DMD: variants seen among roughly 807,000 people sequenced by gnomAD.
The protein encoded by DMD is mutant dystrophin.
DMD carries 63 observed loss-of-function variants against 330.1 expected under a neutral mutation model. That is an observed-to-expected ratio of 0.19 (90% CI 0.16 to 0.24). DMD has a LOEUF of 0.24. Among genes scored for constraint, DMD ranks in the 10% least tolerant of loss-of-function variants. DMD has a pLI of 1.00. For missense variants in DMD, 3,344 were observed against 2,684.1 expected (o/e 1.25, Z -5.43); for synonymous variants, 1,223 against 959.8 (o/e 1.27, Z -5.07).
intron 34 of DMD, among the ~76,000 whole-genome samples, chrX:32,378,895 C>T (rs181873901): frequency 8.2e-5 from 9 of 110,384 alleles, no homozygotes; most frequent in African/African-American, 2.3e-4. Flanking sequence ...TCAATAGTCA[C>T]GGGGTTTCAT....
rs1337754969 is a variant in DMD, at chrX:31,838,507, C to A, written c.7099-1688G>T. ...ACAAGTTAACTTAAAGCACTGTCAC[C>A]ACCATTCATTTTGTATGTGTTTCTC... On this transcript the variant is annotated intron_variant, in intron 48 of 78. Transcript: ENST00000357033. 2.9e-4 allele frequency among the ~76,000 whole-genome samples: 32 copies of A among 111,724 alleles called. No individual in the cohort carries two copies. In the Admixed American group the frequency reaches 3.0e-3, roughly 11 times the overall value.
chrX:31,498,238 TAAAAC>T (rs1299388618), intron 56 of DMD, among the ~76,000 whole-genome samples: 24 of 112,187 alleles, frequency 2.1e-4, no homozygotes, highest in Non-Finnish European at 3.6e-4. Flanking sequence ...TTATGATTGA[TAAAAC>T]AAAACAGAAA....
intron 60 of DMD, among the ~76,000 whole-genome samples, chrX:31,371,105 A>G (rs1351323997): frequency 9.0e-6 from 1 of 111,640 alleles, no homozygotes; most frequent in Non-Finnish European, 1.9e-5. Context: ...GTATACTGAC[A>G]ATATTGACGT....
intron 63 of DMD, among the ~76,000 whole-genome samples, chrX:31,225,071 T>C (rs1032829566): frequency 8.9e-6 from 1 of 112,627 alleles, no homozygotes; most frequent in Non-Finnish European, 1.9e-5. Context: ...CACGAGTGTA[T>C]ACATTTGCCA....
chrX:32,672,992 G>GATGTCAC (rs1454693756), intron 9 of DMD, among the ~76,000 whole-genome samples: 3 of 111,442 alleles, frequency 2.7e-5, no homozygotes, highest in Non-Finnish European at 5.7e-5. Flanking sequence ...TGGAAGAAAA[G>GATGTCAC]ATGTCACATG....
intron 21 of DMD, among the ~76,000 whole-genome samples, chrX:32,474,794 C>G (rs1011964230): frequency 5.4e-5 from 6 of 111,517 alleles, no homozygotes; most frequent in Admixed American, 9.5e-5. Context: ...TTTTATCCCA[C>G]TCCATGGGTT....
intron 1 of DMD, among the ~76,000 whole-genome samples, chrX:33,084,825 G>A (rs1242064577): frequency 1.8e-5 from 2 of 111,912 alleles, no homozygotes; most frequent in East Asian, 5.6e-4. Context: ...TTGTTTAAAC[G>A]ATAAACTATA....
intron 62 of DMD, among the ~76,000 whole-genome samples, chrX:31,269,816 C>T (rs1312473170): frequency 8.9e-6 from 1 of 111,902 alleles, no homozygotes; most frequent in East Asian, 2.8e-4. Flanking sequence ...AGGGACTGTG[C>T]AGGATGCTTC....
chrX:32,714,851 C>A (rs1478170405), intron 7 of DMD, among the ~76,000 whole-genome samples: 1 of 111,755 alleles, frequency 8.9e-6, no homozygotes, highest in Non-Finnish European at 1.9e-5. Flanking sequence ...AAGGTATACA[C>A]ATGATGCTAT....
At chrX:31,546,779 C>CT (rs2074164638) in intron 55 of DMD, among the ~76,000 whole-genome samples, 2 of 112,089 alleles carry the variant, frequency 1.8e-5, no homozygotes, top group Non-Finnish European at 3.8e-5. Context: ...GAATAGCCCC[C>CT]TATCTATGAC....
At chrX:31,483,446 C>G (rs1311096519) in intron 57 of DMD, among the ~76,000 whole-genome samples, 1 of 112,199 alleles carries the variant, frequency 8.9e-6, no homozygotes, top group African/African-American at 3.2e-5. Context: ...ATTGTTAAAA[C>G]TGGACAGTAA....
chrX:31,522,363 C>CTCTCTCTCTCTCTCTCTATATATA, intron 55 of DMD, among the ~76,000 whole-genome samples: 3 of 35,962 alleles, frequency 8.3e-5, no homozygotes, highest in African/African-American at 1.9e-4. Context: ...CTCTCTCTCT[C>CTCTCTCTCTCTCTCTCTATATATA]TATATATATA....
chrX:31,939,376 T>C (rs1049382971), intron 45 of DMD, among the ~76,000 whole-genome samples: 2 of 112,101 alleles, frequency 1.8e-5, no homozygotes, highest in African/African-American at 6.5e-5. Flanking sequence ...CTCAGTCATT[T>C]ATGCCTCACT....
intron 62 of DMD, among the ~76,000 whole-genome samples, chrX:31,317,101 C>G (rs1035848421): frequency 8.9e-6 from 1 of 112,047 alleles, no homozygotes. Context: ...AGTCAACATT[C>G]ACAAAATCAG....
intron 41 of DMD, among the ~76,000 whole-genome samples, chrX:32,326,443 C>T (rs1164909473): frequency 8.9e-6 from 1 of 112,428 alleles, no homozygotes. Context: ...AGCATAGCTA[C>T]ATAAATAAGC....
At chrX:31,280,683 A>G (rs2052547312) in intron 62 of DMD, among the ~76,000 whole-genome samples, 1 of 112,654 alleles carries the variant, frequency 8.9e-6, no homozygotes, top group African/African-American at 3.2e-5. Flanking sequence ...ATACAACTGC[A>G]CAAAGAATGA....
chrX:32,415,065 T>A (rs1392670845), intron 29 of DMD, among the ~76,000 whole-genome samples: 1 of 111,829 alleles, frequency 8.9e-6, no homozygotes, highest in Non-Finnish European at 1.9e-5. Flanking sequence ...GACAGGTGGT[T>A]GGAGAAAACT....
chrX:32,517,409 T>C (rs1401520403), intron 18 of DMD: 2 of 111,996 alleles, frequency 1.8e-5, no homozygotes, highest in African/African-American at 6.5e-5. Context: ...TTTGTGAAGG[T>C]CAAAATTATA....
intron 55 of DMD, among the ~76,000 whole-genome samples, chrX:31,565,243 A>C (rs911533822): frequency 3.6e-5 from 4 of 111,324 alleles, no homozygotes; most frequent in Non-Finnish European, 7.6e-5. Flanking sequence ...CAACACTACA[A>C]GGATGCCTCC....
Sources: allele counts gnomAD v4.1 joint callset (sites outside exome capture counted in the v4.1 genomes callset), GRCh38; gene constraint gnomAD v4.1.1; transcripts MANE v1.5; gene names NCBI Gene and HGNC (gene_info 2026-07-23, HGNC 2026-07-21).